Variants in OR4K13 observed in about 807,000 individuals in gnomAD.
The protein encoded by OR4K13 is olfactory receptor family 4 subfamily K member 13.
For synonymous variants in OR4K13, 160 were observed against 134.8 expected, an observed-to-expected ratio of 1.19 and a Z score of -1.30; for missense variants, 403 against 366.0, an observed-to-expected ratio of 1.10 and a Z score of -0.82.
Position 20,033,791 on chromosome 14 carries a change from A to T in OR4K13, c.*53T>A. 1.0e-6 allele frequency: 1 copy of T among 985,096 alleles called. No homozygotes were observed. The highest frequency in any genetic ancestry group is 1.5e-6 in the Non-Finnish European group (1 of 664,578). The allele number at this position is 985,096 out of a possible 1,614,324, so 61.0% of individuals were successfully genotyped here. ...AAAAACGAGTTTCTTAAATGTTCAA[A>T]CAAACAAGAGAGTGTCTCTTCAAAA... On this transcript the variant is annotated 3_prime_UTR_variant, in exon 2 of 2. Transcript: ENST00000641904.
Position 20,034,258 on chromosome 14 carries a change from G to A in OR4K13, c.501C>T (p.Pro167=). Residue 167 remains proline, a synonymous_variant, in exon 2 of 2, where the codon CCC becomes CCT. Transcript: ENST00000641904. ...TGTCTATAACATTGGGACCACAGAA[G>A]GGCAAAGTCAACATGAAAGCCATTT... The part of the protein sequence containing the change: ...SSQMAFMLTL[P]FCGPNVIDSF... 6.2e-7 allele frequency: 1 copy of A among 1,614,070 alleles called. No individual in the cohort carries two copies. The highest frequency in any genetic ancestry group is 8.5e-7 in the Non-Finnish European group (1 of 1,180,016).
chr14:20,036,014 TCC>T lies in OR4K13; in HGVS notation c.-302_-301del, dbSNP rs773012977. 17 of 152,018 alleles carry T rather than the reference TCC, an allele frequency of 1.1e-4. No homozygotes were observed. The highest frequency in any genetic ancestry group is 1.9e-4 in the Non-Finnish European group (13 of 67,978). The allele number at this position is 152,018 out of a possible 1,614,324, so 9.4% of individuals were successfully genotyped here. A position where few individuals can be genotyped will look rare whatever the true frequency, so the allele number is the denominator to read the frequency against. ...TGGCCTTTTATCTCCTTTTCCTGTATCCCCATCAGTTATCTGCAATTTACTCT... is the reference window on the plus strand; with the variant it reads ...TGGCCTTTTATCTCCTTTTCCTGTATCCATCAGTTATCTGCAATTTACTCT... On this transcript the variant is annotated 5_prime_UTR_variant, in exon 1 of 2. The change creates a premature stop within an existing upstream ORF in the 5' untranslated region. Transcript: ENST00000641904.
At chr14:20,035,911 T>C (rs1184681019) in intron 1 of OR4K13, 27 bp downstream of exon 1, 6 of 152,106 alleles carry the variant, frequency 3.9e-5, no homozygotes, top group Non-Finnish European at 8.8e-5. Flanking sequence ...GTATTTGTAG[T>C]CATCTTTTTG....
In OR4K13 at chr14:20,030,356, T is replaced by C. The variant is rs1262832020; in HGVS notation, c.*3488A>G. 1 of 151,708 alleles carries C rather than the reference T, an allele frequency of 6.6e-6. No homozygotes were observed. The highest frequency in any genetic ancestry group is 1.5e-5 in the Non-Finnish European group (1 of 67,922). The allele number at this position is 151,708 out of a possible 1,614,324, so 9.4% of individuals were successfully genotyped here. ...ATTCATAATAATTAAAAATAAATTT[T>C]AAAAAATTAAAATAATAAAAAATAA... On this transcript the variant is annotated 3_prime_UTR_variant, in exon 2 of 2. Transcript: ENST00000641904.
At position 20,034,079 on chromosome 14, in the gene OR4K13, T is replaced by A. The variant is rs770925050; in HGVS notation, c.680A>T (p.Tyr227Phe). The change falls in exon 2 of 2, where the codon TAC becomes TTC. Residue 227 changes from tyrosine to phenylalanine, a missense_variant. Coordinates refer to ENST00000641904, the MANE Select transcript of OR4K13 (RefSeq NM_001004714.2). Reference protein sequence around the residue: ...SYGVIIFSVRYRAASRSSKAF... With the variant: ...SYGVIIFSVRFRAASRSSKAF... ...CTTAGAGGATCGACTAGCAGCACGGTACCTAACTGAGAATATTATGACTCC... is the reference window on the plus strand; with the variant it reads ...CTTAGAGGATCGACTAGCAGCACGGAACCTAACTGAGAATATTATGACTCC... The A allele has an allele frequency of 1.2e-6, 2 of 1,614,020 alleles. No homozygotes were observed. Among genetic ancestry groups the A allele is most frequent in the African/African-American group, 2.7e-5 (2 of 75,018 alleles).
At position 20,030,952 on chromosome 14, in the gene OR4K13, C is replaced by T. The variant is rs113886548; in HGVS notation, c.*2892G>A. ...AGGAGAATCACTTGAACTCGGGAGG[C>T]GGAGGTTGCGGTGAGCAGAGATTGC... On this transcript the variant is annotated 3_prime_UTR_variant, in exon 2 of 2. Transcript: ENST00000641904. 0.073 allele frequency: 11,099 copies of T among 152,300 alleles called. 511 individuals are homozygous for T. Among genetic ancestry groups the T allele is most frequent in the Admixed American group, 0.12 (1,783 of 15,282 alleles). The allele number at this position is 152,300 out of a possible 1,614,324, so 9.4% of individuals were successfully genotyped here. A position where few individuals can be genotyped will look rare whatever the true frequency, so the allele number is the denominator to read the frequency against.
At position 20,034,717 on chromosome 14, in the gene OR4K13, C is replaced by A. The variant is rs375137056; in HGVS notation, c.42G>T (p.Leu14Phe). Residue 14 changes from leucine to phenylalanine, a missense_variant, in exon 2 of 2, where the codon TTG becomes TTT. Leu to Phe is a conservative substitution (Grantham distance 22). Coordinates refer to ENST00000641904, the MANE Select transcript of OR4K13 (RefSeq NM_001004714.2). ...GATTTTGAGATTTGGAAAGTCCCAA[C>A]AAAATAAATTCCGATACCACTGAAT... is the stretch of plus-strand genomic sequence containing the variant. ...ANHSVVSEFI[L>F]LGLSKSQNLQ... 6.8e-6 allele frequency: 11 copies of A among 1,611,540 alleles called. No individual in the cohort carries two copies. The highest frequency in any genetic ancestry group is 9.3e-6 in the Non-Finnish European group (11 of 1,179,222).
chr14:20,035,361 C>T (rs1316983462), intron 1 of OR4K13, among the ~76,000 whole-genome samples: 1 of 151,800 alleles, frequency 6.6e-6, no homozygotes, highest in Non-Finnish European at 1.5e-5. Flanking sequence ...ACCTTATTTC[C>T]TCCATGCTCC....
rs1877386881 is a variant in OR4K13 at position 20,030,362 on chromosome 14, A to G, written c.*3482T>C. 6.6e-6 allele frequency: 1 copy of G among 151,978 alleles called. No individual in the cohort carries two copies. Among genetic ancestry groups the G allele is most frequent in the Admixed American group, 6.6e-5 (1 of 15,258 alleles). 9.4% of individuals were successfully genotyped at this position (151,978 alleles called of 1,614,324 possible). On this transcript the variant is annotated 3_prime_UTR_variant, in exon 2 of 2. Transcript: ENST00000641904. ...AATAATTAAAAATAAATTTTAAAAAATTAAAATAATAAAAAATAAATTGCT... is the reference window on the plus strand; with the variant it reads ...AATAATTAAAAATAAATTTTAAAAAGTTAAAATAATAAAAAATAAATTGCT...
In OR4K13 at chr14:20,034,579, A is replaced by G. The variant is rs751017330; in HGVS notation, c.180T>C (p.Tyr60=). Residue 60 remains tyrosine, a synonymous_variant, in exon 2 of 2, where the codon TAT becomes TAC. Transcript: ENST00000641904. The stretch of plus-strand genomic sequence containing the variant: ...TGCAGGAGAGGTTGCTAAGCAGAAA[A>G]TACATTGGTGTGTGAAGGAGCGAAT... The part of the protein sequence containing the change: ...TFDSLLHTPM[Y]FLLSNLSCID... 5.6e-6 allele frequency: 9 copies of G among 1,614,078 alleles called. No individual in the cohort carries two copies. In the South Asian group the frequency reaches 9.9e-5, roughly 18 times the overall value.
At position 20,034,789 on chromosome 14, in the gene OR4K13, T is replaced by C. The variant is rs770353062; in HGVS notation, c.-31A>G. 2.7e-6 allele frequency: 4 copies of C among 1,505,666 alleles called. No homozygotes were observed. The highest frequency in any genetic ancestry group is 3.6e-6 in the Non-Finnish European group (4 of 1,106,360). The allele number at this position is 1,505,666 out of a possible 1,614,324, so 93.3% of individuals were successfully genotyped here. ...CAACTTTATCCCATAATGATCAAAA[T>C]AAGTGAGAATAAGGGGTAGGGAAAT... On this transcript the variant is annotated 5_prime_UTR_variant, in exon 2 of 2. Transcript: ENST00000641904.
rs574282025 is a variant in OR4K13, at chr14:20,034,394, C to T, written c.365G>A (p.Arg122Lys). The change falls in exon 2 of 2, where the codon AGG becomes AAG. Residue 122 changes from arginine to lysine, a missense_variant. Coordinates refer to ENST00000641904, the MANE Select transcript of OR4K13 (RefSeq NM_001004714.2). The stretch of plus-strand genomic sequence containing the variant: ...GAGGGGTTTGCATATGGCAACATAC[C>T]TGTCTATTGCCATGGCTACAAGCAA... ...MMLLVAMAID[R>K]YVAICKPLHY... 1.2e-6 allele frequency: 2 copies of T among 1,613,884 alleles called. No homozygotes were observed. The highest frequency in any genetic ancestry group is 4.5e-5 in the East Asian group (2 of 44,848).
chr14:20,035,812 T>G (rs1877555398), intron 1 of OR4K13, 126 bp downstream of exon 1: 1 of 152,082 alleles, frequency 6.6e-6, no homozygotes, highest in Non-Finnish European at 1.5e-5. Context: ...TACAAACTGG[T>G]TCTATTGGTT....
rs879539024 is a variant in OR4K13, at chr14:20,031,674, A to G, written c.*2170T>C. 1 of 152,206 alleles carries G rather than the reference A, an allele frequency of 6.6e-6. No individual in the cohort carries two copies. The highest frequency in any genetic ancestry group is 1.5e-5 in the Non-Finnish European group (1 of 68,044). The allele number at this position is 152,206 out of a possible 1,614,324, so 9.4% of individuals were successfully genotyped here. ...TTTTAAAAACAAAACTCTAGATTATATTAAACCTATGGGTATTTTCATAGT... is the reference window on the plus strand; with the variant it reads ...TTTTAAAAACAAAACTCTAGATTATGTTAAACCTATGGGTATTTTCATAGT... On this transcript the variant is annotated 3_prime_UTR_variant, in exon 2 of 2. Coordinates refer to ENST00000641904, the MANE Select transcript of OR4K13 (RefSeq NM_001004714.2).
rs1324780192 is a variant in OR4K13, at chr14:20,029,722, G to A, written c.*4122C>T. ...GTGGACCACTTGAGGTCAGGAGTTCGAGACCAGCCTGGCCAATATGACAAA... is the reference window on the plus strand; with the variant it reads ...GTGGACCACTTGAGGTCAGGAGTTCAAGACCAGCCTGGCCAATATGACAAA... On this transcript the variant is annotated 3_prime_UTR_variant, in exon 2 of 2. Transcript: ENST00000641904. 1 of 152,014 alleles carries A rather than the reference G, an allele frequency of 6.6e-6. No individual in the cohort carries two copies. Among genetic ancestry groups the A allele is most frequent in the African/African-American group, 2.4e-5 (1 of 41,392 alleles). The allele number at this position is 152,014 out of a possible 1,614,324, so 9.4% of individuals were successfully genotyped here. A position where few individuals can be genotyped will look rare whatever the true frequency, so the allele number is the denominator to read the frequency against.
At chr14:20,035,020 C>A in intron 1 of OR4K13, 39 bp from the exon 2 acceptor site, 2 of 380,896 alleles carry the variant, frequency 5.3e-6, no homozygotes, top group Non-Finnish European at 4.7e-6. Flanking sequence ...GTACATGAAA[C>A]CACAAAACTA....
chr14:20,035,439 A>G (rs1424584037), intron 1 of OR4K13, among the ~76,000 whole-genome samples: 1 of 105,564 alleles, frequency 9.5e-6, no homozygotes, highest in East Asian at 2.6e-4. Context: ...AGTGTCAAGT[A>G]TATGTATAGT....
intron 1 of OR4K13, 84 bp downstream of exon 1, chr14:20,035,854 T>C (rs1469263186): frequency 6.6e-6 from 1 of 152,202 alleles, no homozygotes; most frequent in African/African-American, 2.4e-5. Flanking sequence ...CCGTTGCTAA[T>C]AGTTTTAAAT....
In OR4K13 at chr14:20,032,772, C is replaced by G. The variant is rs72667690; in HGVS notation, c.*1072G>C. The G allele has an allele frequency of 0.35, 53,678 of 151,778 alleles. 11,494 individuals are homozygous for G. Among genetic ancestry groups the G allele is most frequent in the Non-Finnish European group, 0.48 (32,208 of 67,794 alleles). The allele number at this position is 151,778 out of a possible 1,614,324, so 9.4% of individuals were successfully genotyped here. ...TGGTCTATGCTTACTTTTTTTCCTT[C>G]CTGTCTCTCTTTTAAATTTCAGCAT... On this transcript the variant is annotated 3_prime_UTR_variant, in exon 2 of 2. Coordinates refer to ENST00000641904, the MANE Select transcript of OR4K13 (RefSeq NM_001004714.2).
Sources: allele counts gnomAD v4.1 joint callset (sites outside exome capture counted in the v4.1 genomes callset), GRCh38; gene constraint gnomAD v4.1.1; transcripts MANE v1.5; gene names NCBI Gene and HGNC (gene_info 2026-07-23, HGNC 2026-07-21).